The following DNAH12 variants were observed in gnomAD, a reference collection of about 807,000 sequenced individuals.
DNAH12 encodes dynein axonemal heavy chain 12, also known as axonemal beta dynein heavy chain 12.
In DNAH12, 285 loss-of-function variants were observed where a neutral mutation model predicts 371.5. That is an observed-to-expected ratio of 0.77 (90% confidence interval 0.70 to 0.85). The LOEUF (loss-of-function observed/expected upper bound fraction) is 0.85, where lower values mean the gene tolerates loss of function less well. Ranked by LOEUF, DNAH12 falls within the 40% of genes least tolerant of loss-of-function variation. The probability of loss-of-function intolerance (pLI) is 0.00; values close to 1 mark genes in which losing one functional copy is unlikely to be tolerated. For synonymous variants in DNAH12, 1,200 were observed against 1,213.0 expected, an observed-to-expected ratio of 0.99 and a Z score of 0.22; for missense variants, 3,611 against 3,689.4, an observed-to-expected ratio of 0.98 and a Z score of 0.55.
At chr3:57,540,205 G>C (rs2084356) in intron 2 of DNAH12, among the ~76,000 whole-genome samples, 151,990 of 152,192 alleles carry the variant, frequency 1, 75,895 homozygotes, top group East Asian at 1. Flanking sequence ...TGCCCGCCAA[G>C]ACGCCTGGCT....
chr3:57,328,529 C>T (rs988350233), intron 62 of DNAH12, among the ~76,000 whole-genome samples: 2 of 151,408 alleles, frequency 1.3e-5, no homozygotes, highest in Non-Finnish European at 2.9e-5. Flanking sequence ...GCTAAAAACT[C>T]TCAATAAATT....
Position 57,421,600 on chromosome 3 carries a change from T to A in DNAH12, c.5480A>T (p.Asp1827Val), listed in dbSNP as rs200249401. Residue 1827 changes from aspartate (D) to valine (V), a missense_variant, in exon 36 of 74, where the codon GAT becomes GTT. This residue lies in a region of DNAH12 where 2,266 missense variants were observed against 2,236.9 expected (regional missense o/e 1.01). Coordinates refer to ENST00000495027, the MANE Select transcript of DNAH12 (RefSeq NM_001366028.2). ...FIRLIILGKD[D>V]ENPVPDSVGK... ...CACAGAATCTGGCACTGGGTTTTCA[T>A]CATCTTTTCCCAGTATGATTAATCG... is the stretch of plus-strand genomic sequence containing the variant. 976 of 1,551,682 alleles carry A rather than the reference T, an allele frequency of 6.3e-4. 1 individual carries two copies. Among genetic ancestry groups the A allele is most frequent in the Non-Finnish European group, 8.2e-4 (941 of 1,146,982 alleles).
chr3:57,364,549 T>G (rs2063004904), intron 57 of DNAH12, among the ~76,000 whole-genome samples: 2 of 150,620 alleles, frequency 1.3e-5, no homozygotes, highest in South Asian at 4.2e-4. Flanking sequence ...TAATCCTTAT[T>G]ATAGGCACAG....
intron 19 of DNAH12, among the ~76,000 whole-genome samples, chr3:57,460,768 G>A (rs187396564): frequency 6.6e-6 from 1 of 152,212 alleles, no homozygotes; most frequent in East Asian, 1.9e-4. Context: ...TTGAACCCCA[G>A]CTCTGTCACT....
chr3:57,439,321 C>T (rs985024818), intron 29 of DNAH12, among the ~76,000 whole-genome samples: 1 of 152,124 alleles, frequency 6.6e-6, no homozygotes, highest in Non-Finnish European at 1.5e-5. Context: ...ATTACAGTAA[C>T]CAAAACTGTA....
At chr3:57,426,448 T>C (rs1447568723) in intron 34 of DNAH12, among the ~76,000 whole-genome samples, 1 of 151,998 alleles carries the variant, frequency 6.6e-6, no homozygotes, top group African/African-American at 2.4e-5. Context: ...ATTGAGATAC[T>C]ATAACGGGAA....
At chr3:57,418,415 T>C (rs1394246567) in intron 37 of DNAH12, among the ~76,000 whole-genome samples, 3 of 146,362 alleles carry the variant, frequency 2.0e-5, no homozygotes, top group South Asian at 2.2e-4. Context: ...TGGTGCATGC[T>C]TGTAGTCCCA....
chr3:57,430,580 T>C (rs1316988041), intron 32 of DNAH12, among the ~76,000 whole-genome samples: 1 of 152,190 alleles, frequency 6.6e-6, no homozygotes, highest in Non-Finnish European at 1.5e-5. Flanking sequence ...TCCCTCAAAT[T>C]TCTGTCTTGT....
At chr3:57,441,056 G>C (rs1192836037) in intron 29 of DNAH12, among the ~76,000 whole-genome samples, 1 of 151,918 alleles carries the variant, frequency 6.6e-6, no homozygotes, top group Non-Finnish European at 1.5e-5. Context: ...ATGACCAAGA[G>C]AAAAAACAGT....
chr3:57,406,348 T>G, intron 40 of DNAH12, among the ~76,000 whole-genome samples: 1 of 127,608 alleles, frequency 7.8e-6, no homozygotes, highest in African/African-American at 2.9e-5. Flanking sequence ...CGAAGTGAGA[T>G]TCTGCCTCAA....
At chr3:57,443,347 T>C (rs947674552) in intron 29 of DNAH12, among the ~76,000 whole-genome samples, 2 of 152,080 alleles carry the variant, frequency 1.3e-5, no homozygotes, top group Non-Finnish European at 2.9e-5. Flanking sequence ...TGATCCCAGG[T>C]GATCCACCTG....
At chr3:57,298,057 A>G (rs567318162) in intron 70 of DNAH12, among the ~76,000 whole-genome samples, 1 of 152,308 alleles carries the variant, frequency 6.6e-6, no homozygotes, top group African/African-American at 2.4e-5. Flanking sequence ...ACTGGACTAA[A>G]GGGACTGGAC....
chr3:57,420,243 A>AC (rs531360307), intron 36 of DNAH12, among the ~76,000 whole-genome samples: 152 of 152,120 alleles, frequency 1.0e-3, no homozygotes, highest in African/African-American at 3.6e-3. Context: ...TCCCTGGAGA[A>AC]CCCCAGCCCT....
At chr3:57,536,065 G>T (rs1450199174) in intron 2 of DNAH12, among the ~76,000 whole-genome samples, 1 of 149,552 alleles carries the variant, frequency 6.7e-6, no homozygotes, top group Non-Finnish European at 1.5e-5. Context: ...TCGAACTCCT[G>T]ACCTTGTGAT....
chr3:57,395,119 T>A lies in DNAH12; in HGVS notation c.6949-787A>T, dbSNP rs959937768. Reference sequence around the variant, plus strand: ...TTTATTATGTTACTATTATCTATGCTCTGGAAAGTTTTTCAAGTTATTGTA... The same window carrying A: ...TTTATTATGTTACTATTATCTATGCACTGGAAAGTTTTTCAAGTTATTGTA... On this transcript the variant is annotated intron_variant, in intron 43 of 73. Coordinates refer to ENST00000495027, the MANE Select transcript of DNAH12 (RefSeq NM_001366028.2). Among the ~76,000 whole-genome samples, 1,471 of 151,652 alleles carry A rather than the reference T, an allele frequency of 9.7e-3. 23 individuals are homozygous for A. Among genetic ancestry groups the A allele is most frequent in the African/African-American group, 0.034 (1,394 of 41,546 alleles).
In DNAH12 at chr3:57,508,410, T is replaced by C. The variant is rs1004045178; in HGVS notation, c.673A>G (p.Thr225Ala). 5 of 1,606,972 alleles carry C rather than the reference T, an allele frequency of 3.1e-6. No individual in the cohort carries two copies. The Admixed American group carries it at 8.6e-5, about 28-fold the overall frequency. ...LDLGYTTFAD[T>A]VLLDFTGIRA... The stretch of plus-strand genomic sequence containing the variant: ...ATTCCTGTGAAGTCCAACAAAACTG[T>C]ATCAGCAAATGTTGTATAACCAAGG... The change falls in exon 7 of 74, where the codon ACA becomes GCA. Residue 225 changes from threonine to alanine, a missense_variant. Physicochemically the swap from Thr to Ala is moderately conservative, Grantham distance 58. This residue lies in a region of DNAH12 where 1,314 missense variants were observed against 1,398.7 expected (regional missense o/e 0.94). Coordinates refer to ENST00000495027, the MANE Select transcript of DNAH12 (RefSeq NM_001366028.2).
chr3:57,300,549 A>G (rs1198624668), intron 70 of DNAH12, among the ~76,000 whole-genome samples: 1 of 152,052 alleles, frequency 6.6e-6, no homozygotes, highest in Non-Finnish European at 1.5e-5. Context: ...CACACACACC[A>G]CAAATGGAAA....
intron 29 of DNAH12, among the ~76,000 whole-genome samples, chr3:57,438,960 TAC>T (rs1033594605): frequency 2.5e-5 from 3 of 119,890 alleles, no homozygotes; most frequent in Admixed American, 9.3e-5. Flanking sequence ...ACAATAGACA[TAC>T]ACACACACAT....
At chr3:57,525,132 A>G (rs1169186098) in intron 2 of DNAH12, among the ~76,000 whole-genome samples, 2 of 148,322 alleles carry the variant, frequency 1.3e-5, no homozygotes, top group African/African-American at 5.0e-5. Context: ...AGGAGATACC[A>G]TCAGGTAGGT....
Sources: gnomAD v4.1 joint callset for allele counts (sites outside exome capture counted in the v4.1 genomes callset) on GRCh38, gnomAD v4.1.1 for gene constraint, gnomAD v4.1.1 regional missense constraint, MANE v1.5 for transcripts, NCBI Gene and HGNC (gene_info 2026-07-23, HGNC 2026-07-21) for gene names.